The following GRIN2B variants were observed in gnomAD, a reference collection of about 807,000 sequenced individuals.
GRIN2B encodes glutamate receptor ionotropic, NMDA 2B.
Under a neutral mutation model 114.5 loss-of-function variants are expected in GRIN2B, and 5 were observed. That is an observed-to-expected ratio of 0.04 (90% CI 0.02 to 0.09). The LOEUF (loss-of-function observed/expected upper bound fraction) is 0.09. GRIN2B is among the 10% of genes least tolerant of loss of function. The probability of loss-of-function intolerance (pLI) is 1.00; values close to 1 mark genes in which losing one functional copy is unlikely to be tolerated. For missense variants in GRIN2B, 1,108 were observed against 1,943.5 expected (o/e 0.57, Z 8.08); for synonymous variants, 787 against 745.1 (o/e 1.06, Z -0.92).
Position 13,666,996 on chromosome 12 carries a change from C to T in GRIN2B, c.1125+8749G>A, listed in dbSNP as rs989629611. The stretch of plus-strand genomic sequence containing the variant: ...GCAAGTCAGGTATGTTCTATCCCTA[C>T]TGGTGAAAGAAGGGCATTGCTCTCT... On this transcript the variant is annotated intron_variant, in intron 5 of 13. Transcript: ENST00000609686. Among the ~76,000 whole-genome samples, 6 of 152,150 alleles carry T rather than the reference C, an allele frequency of 3.9e-5. No individual in the cohort carries two copies. The East Asian group carries it at 5.8e-4, about 15-fold the overall frequency.
intron 10 of GRIN2B, among the ~76,000 whole-genome samples, chr12:13,598,535 CA>C (rs1949106278): frequency 6.6e-6 from 1 of 152,070 alleles, no homozygotes; most frequent in South Asian, 2.1e-4. Context: ...GGGTGGATAC[CA>C]AGCTCTCTAG....
chr12:13,634,970 G>A (rs1949655065), intron 5 of GRIN2B, among the ~76,000 whole-genome samples: 1 of 152,170 alleles, frequency 6.6e-6, no homozygotes, highest in Non-Finnish European at 1.5e-5. Context: ...GCAAGAGAAG[G>A]GTAACAATCT....
intron 2 of GRIN2B, among the ~76,000 whole-genome samples, chr12:13,954,113 T>C (rs1041934262): frequency 1.3e-5 from 2 of 152,228 alleles, no homozygotes; most frequent in Non-Finnish European, 2.9e-5. Context: ...CTTAGTGTCC[T>C]CAGCCACACA....
intron 3 of GRIN2B, among the ~76,000 whole-genome samples, chr12:13,797,145 C>A (rs543413941): frequency 2.0e-5 from 3 of 152,224 alleles, no homozygotes; most frequent in East Asian, 3.9e-4. Context: ...GCTTGGAAGT[C>A]CAAGATCAAA....
chr12:13,937,788 C>T (rs1273706480), intron 2 of GRIN2B, among the ~76,000 whole-genome samples: 6 of 151,960 alleles, frequency 3.9e-5, no homozygotes, highest in Non-Finnish European at 8.8e-5. Context: ...TTATAGTATA[C>T]ATAGAAGTAA....
chr12:13,867,120 A>G (rs1865840724), intron 2 of GRIN2B, among the ~76,000 whole-genome samples: 1 of 152,212 alleles, frequency 6.6e-6, no homozygotes, highest in South Asian at 2.1e-4. Flanking sequence ...CAGAAACTTA[A>G]ACAAATACCA....
At position 13,570,023 on chromosome 12, in the gene GRIN2B, C is replaced by T. The variant is rs201390691; in HGVS notation, c.2172-6G>A. 4.7e-5 allele frequency: 76 copies of T among 1,607,226 alleles called. 1 individual carries two copies. Among genetic ancestry groups the T allele is most frequent in the East Asian group, 2.2e-4 (10 of 44,848 alleles). On this transcript the variant is annotated splice_polypyrimidine_tract_variant and splice_region_variant and intron_variant, in intron 11 of 13. Coordinates refer to ENST00000609686, the MANE Select transcript of GRIN2B (RefSeq NM_000834.5). Reference sequence around the variant, plus strand: ...AGATGAAGGCATCCAGTTTCCTGTACAGGAAAAAAGCAAACAAATCCAATG... The same window carrying T: ...AGATGAAGGCATCCAGTTTCCTGTATAGGAAAAAAGCAAACAAATCCAATG...
At chr12:13,922,983 C>T (rs535223301) in intron 2 of GRIN2B, among the ~76,000 whole-genome samples, 15 of 152,272 alleles carry the variant, frequency 9.9e-5, no homozygotes, top group African/African-American at 3.6e-4. Context: ...ATTCCAGTAG[C>T]ATATCTCTGA....
chr12:13,573,946 T>C (rs1948740148), intron 10 of GRIN2B, among the ~76,000 whole-genome samples: 1 of 152,226 alleles, frequency 6.6e-6, no homozygotes, highest in South Asian at 2.1e-4. Context: ...CCTCTCTGAC[T>C]CATCACAGGG....
At chr12:13,752,865 G>A (rs1437284722) in intron 4 of GRIN2B, among the ~76,000 whole-genome samples, 1 of 152,128 alleles carries the variant, frequency 6.6e-6, no homozygotes, top group Non-Finnish European at 1.5e-5. Flanking sequence ...AAGCGGACTG[G>A]TCCTCCCTTA....
intron 5 of GRIN2B, among the ~76,000 whole-genome samples, chr12:13,637,755 A>C (rs1055751584): frequency 6.6e-6 from 1 of 152,196 alleles, no homozygotes; most frequent in Non-Finnish European, 1.5e-5. Flanking sequence ...TAGAATATAG[A>C]GAGAAACTGC....
At position 13,562,656 on chromosome 12, in the gene GRIN2B, A is replaced by T; in HGVS notation, c.*127T>A. The T allele has an allele frequency of 2.4e-6, 2 of 839,492 alleles. No individual in the cohort carries two copies. The highest frequency in any genetic ancestry group is 1.7e-5 in the African/African-American group (1 of 59,740). The allele number at this position is 839,492 out of a possible 1,614,324, so 52.0% of individuals were successfully genotyped here. A position where few individuals can be genotyped will look rare whatever the true frequency, so the allele number is the denominator to read the frequency against. ...AGGAACCAGAACTCCAGGATCCCAT[A>T]AATAAATTAAAACAAGAAAGGAGCA... On this transcript the variant is annotated 3_prime_UTR_variant, in exon 14 of 14. Transcript: ENST00000609686.
intron 2 of GRIN2B, among the ~76,000 whole-genome samples, chr12:13,976,389 A>G (rs181275555): frequency 9.2e-5 from 14 of 152,374 alleles, no homozygotes; most frequent in Non-Finnish European, 1.9e-4. Context: ...AGAAATTTCT[A>G]GAATTCCTAA....
Position 13,537,646 on chromosome 12 carries a change from C to T in GRIN2B, c.*25137G>A, listed in dbSNP as rs1463397628. On this transcript the variant is annotated 3_prime_UTR_variant, in exon 14 of 14. Coordinates refer to ENST00000609686, the MANE Select transcript of GRIN2B (RefSeq NM_000834.5). ...GGCCCGCTTTCCCCAGATGCACATA[C>T]ATAGTGGTTCACATTCTGGCTGTAT... The T allele has an allele frequency of 6.6e-6, 1 of 152,198 alleles. No individual in the cohort carries two copies. The highest frequency in any genetic ancestry group is 1.5e-5 in the Non-Finnish European group (1 of 68,064). The allele number at this position is 152,198 out of a possible 1,614,324, so 9.4% of individuals were successfully genotyped here. A position where few individuals can be genotyped will look rare whatever the true frequency, so the allele number is the denominator to read the frequency against.
chr12:13,880,816 C>G (rs1450888120), intron 2 of GRIN2B, among the ~76,000 whole-genome samples: 2 of 152,240 alleles, frequency 1.3e-5, no homozygotes, highest in Non-Finnish European at 2.9e-5. Flanking sequence ...ACAGACGCCT[C>G]TCTTCACTCA....
chr12:13,890,752 AG>A (rs1866245544), intron 2 of GRIN2B, among the ~76,000 whole-genome samples: 1 of 152,132 alleles, frequency 6.6e-6, no homozygotes, highest in African/African-American at 2.4e-5. Context: ...TGAACATGGA[AG>A]GGCCCATGAA....
intron 4 of GRIN2B, among the ~76,000 whole-genome samples, chr12:13,738,431 G>A (rs952274579): frequency 2.0e-5 from 3 of 152,108 alleles, no homozygotes; most frequent in Admixed American, 6.6e-5. Context: ...AATTTGTTTT[G>A]ATGCTCATGT....
At position 13,616,436 on chromosome 12, in the gene GRIN2B, C is replaced by A; in HGVS notation, c.1328+19G>T. On this transcript the variant is annotated intron_variant, in intron 6 of 13. Coordinates refer to ENST00000609686, the MANE Select transcript of GRIN2B (RefSeq NM_000834.5). ...CTGACTCTCCCATGCCACCCAAAGTCATTGAGAGGATGCCATACTCAGTGA... is the reference window on the plus strand; with the variant it reads ...CTGACTCTCCCATGCCACCCAAAGTAATTGAGAGGATGCCATACTCAGTGA... 6.3e-7 allele frequency: 1 copy of A among 1,596,556 alleles called. No homozygotes were observed. The highest frequency in any genetic ancestry group is 1.1e-5 in the South Asian group (1 of 90,690).
intron 3 of GRIN2B, among the ~76,000 whole-genome samples, chr12:13,793,566 T>C (rs1864356427): frequency 6.6e-6 from 1 of 152,234 alleles, no homozygotes; most frequent in Non-Finnish European, 1.5e-5. Flanking sequence ...GCCATGCCAA[T>C]TGTGATTCTG....
Sources: gnomAD v4.1 joint callset for allele counts (sites outside exome capture counted in the v4.1 genomes callset) on GRCh38, gnomAD v4.1.1 for gene constraint, MANE v1.5 for transcripts, NCBI Gene and HGNC (gene_info 2026-07-23, HGNC 2026-07-21) for gene names.